Variants in ARMC9 observed in about 807,000 individuals in gnomAD.
The protein encoded by ARMC9 is armadillo repeat containing 9.
ARMC9 carries 94 observed loss-of-function variants against 107.0 expected under a neutral mutation model. That is an observed-to-expected ratio of 0.88 (90% CI 0.74 to 1.04). ARMC9 has a LOEUF of 1.04. Ranked by LOEUF, ARMC9 falls within the 50% of genes least tolerant of loss-of-function variation. The pLI is 0.00. For synonymous variants in ARMC9, 380 were observed against 396.9 expected (o/e 0.96, Z 0.51); for missense variants, 942 against 1,030.1 (o/e 0.91, Z 1.17).
chr2:231,204,566 C>T (rs569589488), intron 1 of ARMC9, among the ~76,000 whole-genome samples: 1 of 152,270 alleles, frequency 6.6e-6, no homozygotes, highest in East Asian at 1.9e-4. Context: ...AATTTCCACT[C>T]CGTCCATGTT....
At chr2:231,337,286 ATATATTTTTTTTTTTT>A (rs1257200813) in intron 20 of ARMC9, among the ~76,000 whole-genome samples, 7 of 59,714 alleles carry the variant, frequency 1.2e-4, no homozygotes, top group African/African-American at 5.3e-4. Context: ...ATATATATAT[ATATATTTTTTTTTTTT>A]TTTTTTTTTT....
intron 6 of ARMC9, among the ~76,000 whole-genome samples, chr2:231,224,942 G>A (rs2034499665): frequency 1.3e-5 from 2 of 152,212 alleles, no homozygotes; most frequent in Admixed American, 1.3e-4. Context: ...TACTGGAGCA[G>A]AGTATTGGCA....
In ARMC9 at chr2:231,360,707, G is replaced by T; in HGVS notation, c.2132-47G>T. The T allele has an allele frequency of 2.0e-6, 3 of 1,536,110 alleles. No homozygotes were observed. The highest frequency in any genetic ancestry group is 2.6e-6 in the Non-Finnish European group (3 of 1,146,884). On this transcript the variant is annotated intron_variant, in intron 22 of 24. Coordinates refer to ENST00000611582, the MANE Select transcript of ARMC9 (RefSeq NM_001352754.2). The surrounding 1 kb of genome is among the most constrained non-coding windows in gnomAD (Gnocchi z 4.7). ...CAGCCCACGAGAGGGCATCCTTAGA[G>T]GGGCTCCAGAGCAGATGTGGACTGA...
chr2:231,365,355 T>A (rs368604319), intron 23 of ARMC9, among the ~76,000 whole-genome samples: 6 of 152,004 alleles, frequency 3.9e-5, no homozygotes, highest in East Asian at 1.9e-4. Flanking sequence ...AATAGGAACA[T>A]TGTGTTGGGA....
rs764909669 is a variant in ARMC9 at position 231,259,099 on chromosome 2, C to G, written c.1023C>G (p.Arg341=). ...RLKAFLLQAL[R]WRLTTSHPGE... is the part of the protein sequence containing the mutation. ...AAGCCTTCTTGTTGCAGGCTCTGCGCTGGGTAGGTACCTTTGTCTTAAAGT... is the reference window on the plus strand; with the variant it reads ...AAGCCTTCTTGTTGCAGGCTCTGCGGTGGGTAGGTACCTTTGTCTTAAAGT... Residue 341 remains arginine, a synonymous_variant, in exon 11 of 25, where the codon CGC becomes CGG. Coordinates refer to ENST00000611582, the MANE Select transcript of ARMC9 (RefSeq NM_001352754.2). 10 of 1,611,516 alleles carry G rather than the reference C, an allele frequency of 6.2e-6. No individual in the cohort carries two copies. The highest frequency in any genetic ancestry group is 1.7e-6 in the Non-Finnish European group (2 of 1,177,704).
At chr2:231,309,961 T>C (rs2042244106) in intron 19 of ARMC9, among the ~76,000 whole-genome samples, 1 of 152,168 alleles carries the variant, frequency 6.6e-6, no homozygotes, top group Non-Finnish European at 1.5e-5. Context: ...TTATGTAAAA[T>C]ATGGAGCATG....
At chr2:231,266,946 C>T (rs2038906347) in intron 12 of ARMC9, among the ~76,000 whole-genome samples, 1 of 152,222 alleles carries the variant, frequency 6.6e-6, no homozygotes. Context: ...ATAGTTTTCC[C>T]ATCTATGTAT....
At chr2:231,206,669 C>T (rs2032044524) in intron 2 of ARMC9, among the ~76,000 whole-genome samples, 1 of 152,102 alleles carries the variant, frequency 6.6e-6, no homozygotes, top group East Asian at 1.9e-4. Context: ...TTTTATCTGC[C>T]AACAATAATA....
At chr2:231,293,641 T>A (rs946601182) in intron 18 of ARMC9, among the ~76,000 whole-genome samples, 3 of 152,218 alleles carry the variant, frequency 2.0e-5, no homozygotes, top group Non-Finnish European at 4.4e-5. Flanking sequence ...GAAATTGTGT[T>A]GGGCAGAGCT....
rs200638015 is a variant in ARMC9 at position 231,231,365 on chromosome 2, CTA to C, written c.623-3849_623-3848del. 1.4e-3 allele frequency among the ~76,000 whole-genome samples: 218 copies of C among 152,158 alleles called. 1 individual carries two copies. Among genetic ancestry groups the C allele is most frequent in the African/African-American group, 4.9e-3 (204 of 41,516 alleles). On this transcript the variant is annotated intron_variant, in intron 7 of 24. Coordinates refer to ENST00000611582, the MANE Select transcript of ARMC9 (RefSeq NM_001352754.2). ...TTTAACTTATCTAATTTTGAACTCTCTATATATATATGAAAAACTTTATTTGT... is the reference window on the plus strand; with the variant it reads ...TTTAACTTATCTAATTTTGAACTCTCTATATATATGAAAAACTTTATTTGT...
At chr2:231,245,046 C>T (rs1244722425) in intron 9 of ARMC9, among the ~76,000 whole-genome samples, 6 of 152,148 alleles carry the variant, frequency 3.9e-5, no homozygotes, top group Middle Eastern at 3.2e-3. Context: ...GAAAGCTGCC[C>T]GTGTTATCGA....
chr2:231,263,652 A>G (rs115598628), intron 12 of ARMC9, among the ~76,000 whole-genome samples: 88 of 152,354 alleles, frequency 5.8e-4, no homozygotes, highest in Admixed American at 1.0e-3. Context: ...TGAGTTACAC[A>G]TTCATCTGTT....
intron 23 of ARMC9, among the ~76,000 whole-genome samples, chr2:231,361,857 C>T (rs1227174578): frequency 6.6e-6 from 1 of 152,042 alleles, no homozygotes; most frequent in Non-Finnish European, 1.5e-5. Context: ...TGGAGAAAAT[C>T]GGAGAGAGAA....
chr2:231,279,454 C>G (rs1227712543), intron 16 of ARMC9, among the ~76,000 whole-genome samples: 3 of 151,880 alleles, frequency 2.0e-5, no homozygotes, highest in Non-Finnish European at 4.4e-5. Context: ...TTGAGTACCA[C>G]TTGGTTTCCA....
At chr2:231,231,139 G>T (rs527486014) in intron 7 of ARMC9, among the ~76,000 whole-genome samples, 1 of 152,270 alleles carries the variant, frequency 6.6e-6, no homozygotes, top group South Asian at 2.1e-4. Context: ...GGGTTCCTTT[G>T]TGCAGTCCGG....
chr2:231,271,119 T>A (rs2039295774), intron 13 of ARMC9, 47 bp downstream of exon 13: 1 of 1,582,718 alleles, frequency 6.3e-7, no homozygotes, highest in Admixed American at 1.7e-5. Context: ...GTCATATTGA[T>A]GTGCTTTTTC....
chr2:231,280,253 G>A (rs910439009), intron 16 of ARMC9, among the ~76,000 whole-genome samples: 4 of 152,200 alleles, frequency 2.6e-5, no homozygotes, highest in South Asian at 2.1e-4. Context: ...TCAGGAGTTC[G>A]AGACCAGCCT....
At chr2:231,300,394 G>C (rs2125491597) in intron 19 of ARMC9, among the ~76,000 whole-genome samples, 1 of 152,302 alleles carries the variant, frequency 6.6e-6, no homozygotes, top group Non-Finnish European at 1.5e-5. Flanking sequence ...GGATGCAAAA[G>C]AAATCTAAAA....
At chr2:231,285,545 C>T (rs904566705) in intron 17 of ARMC9, among the ~76,000 whole-genome samples, 2 of 151,664 alleles carry the variant, frequency 1.3e-5, no homozygotes, top group Non-Finnish European at 2.9e-5. Flanking sequence ...ACTCGGGAGG[C>T]TGAGGCAGGA....
Sources: gnomAD v4.1 joint callset for allele counts (sites outside exome capture counted in the v4.1 genomes callset) on GRCh38, gnomAD v4.1.1 for gene constraint, Gnocchi (gnomAD v3.1) non-coding constraint, MANE v1.5 for transcripts, NCBI Gene and HGNC (gene_info 2026-07-23, HGNC 2026-07-21) for gene names.